The following CORO7 variants were observed in gnomAD, a reference collection of about 807,000 sequenced individuals.
CORO7 encodes the protein coronin 7.
A neutral mutation model predicts 126.6 loss-of-function variants in CORO7; 107 were observed. That is an observed-to-expected ratio of 0.85 (90% CI 0.72 to 0.99). CORO7 has a LOEUF of 0.99. Among genes scored for constraint, CORO7 ranks in the 50% least tolerant of loss-of-function variants. The probability of loss-of-function intolerance (pLI) is 0.00; values close to 1 mark genes in which losing one functional copy is unlikely to be tolerated. For synonymous variants in CORO7, 603 were observed against 536.8 expected (o/e 1.12, Z -1.70); for missense variants, 1,314 against 1,255.8 (o/e 1.05, Z -0.70).
intron 17 of CORO7, 41 bp from the exon 18 acceptor site, chr16:4,361,289 G>T: frequency 6.2e-7 from 1 of 1,611,250 alleles, no homozygotes; most frequent in Non-Finnish European, 8.5e-7. Flanking sequence ...CTGAGCCCAA[G>T]ACCTCTGGGC....
intron 6 of CORO7, among the ~76,000 whole-genome samples, chr16:4,399,742 G>C (rs921081478): frequency 6.6e-6 from 1 of 151,964 alleles, no homozygotes; most frequent in African/African-American, 2.4e-5. Flanking sequence ...AATTTAAAAA[G>C]TAGCTGGGCG....
At chr16:4,357,102 A>T in intron 26 of CORO7, 66 bp downstream of exon 26, 1 of 1,597,896 alleles carries the variant, frequency 6.3e-7, no homozygotes, top group South Asian at 1.1e-5. Flanking sequence ...TGGAGAACTA[A>T]GGGGCCGTGG....
intron 9 of CORO7, among the ~76,000 whole-genome samples, chr16:4,376,746 C>T (rs2054746339): frequency 6.6e-6 from 1 of 152,190 alleles, no homozygotes; most frequent in Non-Finnish European, 1.5e-5. Context: ...CCCTGAAGTC[C>T]TGTGCTGAAG....
In CORO7 at chr16:4,356,754, C is replaced by G. The variant is rs141195975; in HGVS notation, c.2685+414G>C. On this transcript the variant is annotated intron_variant, in intron 26 of 27. Coordinates refer to ENST00000251166, the MANE Select transcript of CORO7 (RefSeq NM_024535.5). Reference sequence around the variant, plus strand: ...GGCCTCAAAAGAGCCATTTTAATTACAGCCCTGACAAAATCGATGGGTTTC... The same window carrying G: ...GGCCTCAAAAGAGCCATTTTAATTAGAGCCCTGACAAAATCGATGGGTTTC... 1.9e-4 allele frequency: 42 copies of G among 216,192 alleles called. 1 individual carries two copies. Among genetic ancestry groups the G allele is most frequent in the Non-Finnish European group, 4.7e-5 (5 of 105,724 alleles). 13.4% of individuals were successfully genotyped at this position (216,192 alleles called of 1,614,324 possible). A position where few individuals can be genotyped will look rare whatever the true frequency, so the allele number is the denominator to read the frequency against.
chr16:4,364,109 C>T (rs1432379109), intron 14 of CORO7, among the ~76,000 whole-genome samples, 167 bp downstream of exon 14: 1 of 152,048 alleles, frequency 6.6e-6, no homozygotes, highest in Admixed American at 6.6e-5. Flanking sequence ...TCGCTTGAAC[C>T]TAGGAAGAGG....
chr16:4,361,168 G>A lies in CORO7; in HGVS notation c.1768C>T (p.Leu590Phe). The change falls in exon 18 of 28, where the codon CTC becomes TTC. Residue 590 changes from leucine to phenylalanine, a missense_variant. Coordinates refer to ENST00000251166, the MANE Select transcript of CORO7 (RefSeq NM_024535.5). Reference sequence around the variant, plus strand: ...ATTCCTGAGCCTGCCTGACCTGTGAGCACAGTCTCTGGCGTGGTGAGCACC... The same window carrying A: ...ATTCCTGAGCCTGCCTGACCTGTGAACACAGTCTCTGGCGTGGTGAGCACC... ...EEVLTTPETV[L>F]TGHTEKICSL... 2 of 1,613,058 alleles carry A rather than the reference G, an allele frequency of 1.2e-6. No individual in the cohort carries two copies. The highest frequency in any genetic ancestry group is 1.7e-6 in the Non-Finnish European group (2 of 1,179,994).
At chr16:4,396,635 G>T (rs1398202139) in intron 6 of CORO7, among the ~76,000 whole-genome samples, 2 of 152,128 alleles carry the variant, frequency 1.3e-5, no homozygotes, top group Non-Finnish European at 2.9e-5. Context: ...TCCTTTTTAC[G>T]TCTTAGCACA....
intron 26 of CORO7, 55 bp from the exon 27 acceptor site, chr16:4,355,427 C>T (rs1189032324): frequency 1.9e-6 from 3 of 1,546,392 alleles, no homozygotes; most frequent in African/African-American, 1.4e-5. Context: ...CCTGTTCCCT[C>T]TCCCACTCCA....
intron 6 of CORO7, among the ~76,000 whole-genome samples, chr16:4,403,723 G>A (rs2055895787): frequency 2.6e-5 from 4 of 152,168 alleles, no homozygotes; most frequent in African/African-American, 2.4e-5. Flanking sequence ...TAGTAAATAG[G>A]GCTCGGACCC....
At chr16:4,382,387 C>A in intron 9 of CORO7, 1 of 1,612,284 alleles carries the variant, frequency 6.2e-7, no homozygotes, top group Non-Finnish European at 8.5e-7. Flanking sequence ...CCTATCGGGC[C>A]CTGATAAGCG....
At chr16:4,359,716 G>A in intron 21 of CORO7, 95 bp from the exon 22 acceptor site, 2 of 1,459,646 alleles carry the variant, frequency 1.4e-6, no homozygotes, top group African/African-American at 1.4e-5. Flanking sequence ...TCTGTTCTGG[G>A]TTGTAGGCGA....
intron 26 of CORO7, among the ~76,000 whole-genome samples, chr16:4,355,786 G>C (rs1357820285): frequency 1.3e-5 from 2 of 150,170 alleles, no homozygotes; most frequent in East Asian, 4.1e-4. Context: ...TTGTTTGTTT[G>C]TTTTAGAGAG....
At chr16:4,368,373 C>T (rs540666621) in intron 9 of CORO7, among the ~76,000 whole-genome samples, 1 of 151,900 alleles carries the variant, frequency 6.6e-6, no homozygotes, top group African/African-American at 2.4e-5. Context: ...AATTAGCCTG[C>T]TGTGGTAGTG....
In CORO7 at chr16:4,412,412, G is replaced by A. The variant is rs1001920773; in HGVS notation, c.176C>T (p.Pro59Leu). The A allele has an allele frequency of 1.7e-5, 27 of 1,614,084 alleles. No homozygotes were observed. Residue 59 changes from proline to leucine, a missense_variant, in exon 3 of 28, where the codon CCT becomes CTT. Pro to Leu is a moderately conservative substitution (Grantham distance 98, BLOSUM62 -3). Coordinates refer to ENST00000251166, the MANE Select transcript of CORO7 (RefSeq NM_024535.5). The stretch of plus-strand genomic sequence containing the variant: ...CTTGTCCTCTCCTTGGCCTTGCAGA[G>A]GCACAATGCCCAGTACACCTGTTAA... ...SDRPGVLGIV[P>L]LQGQGEDKRR...
intron 8 of CORO7, 91 bp from the exon 9 acceptor site, chr16:4,388,159 C>T: frequency 6.7e-7 from 1 of 1,501,454 alleles, no homozygotes; most frequent in Admixed American, 2.0e-5. Flanking sequence ...GAGGGTGCAG[C>T]CTGACACGGG....
At chr16:4,359,658 G>A in intron 21 of CORO7, 37 bp from the exon 22 acceptor site, 1 of 1,560,612 alleles carries the variant, frequency 6.4e-7, no homozygotes, top group Non-Finnish European at 8.7e-7. Flanking sequence ...AGGTGTTTCA[G>A]AGCTGAAGGG....
chr16:4,393,021 G>A (rs546039906), intron 7 of CORO7, among the ~76,000 whole-genome samples: 21 of 152,344 alleles, frequency 1.4e-4, no homozygotes, highest in Admixed American at 7.2e-4. Flanking sequence ...TCCCCACCTC[G>A]GCATCAGTCA....
At chr16:4,359,848 G>A (rs554380494) in intron 21 of CORO7, among the ~76,000 whole-genome samples, 29 of 145,570 alleles carry the variant, frequency 2.0e-4, no homozygotes, top group Admixed American at 6.2e-4. Flanking sequence ...CTGCCTCACC[G>A]CCCCTGCTTC....
At chr16:4,373,100 G>A (rs2054591833) in intron 9 of CORO7, among the ~76,000 whole-genome samples, 1 of 152,126 alleles carries the variant, frequency 6.6e-6, no homozygotes, top group African/African-American at 2.4e-5. Context: ...GTCCAGGATG[G>A]GCCCAGCTAT....
Sources: allele counts gnomAD v4.1 joint callset (sites outside exome capture counted in the v4.1 genomes callset), GRCh38; gene constraint gnomAD v4.1.1; transcripts MANE v1.5; gene names NCBI Gene and HGNC (gene_info 2026-07-23, HGNC 2026-07-21).